Variants in RNF220 observed in about 807,000 individuals in gnomAD.
RNF220 encodes E3 ubiquitin-protein ligase RNF220.
In RNF220, 7 loss-of-function variants were observed where a neutral mutation model predicts 67.1. The observed-to-expected ratio is 0.10, with a 90% CI of 0.06 to 0.20. The LOEUF (loss-of-function observed/expected upper bound fraction) is 0.20, where lower values mean the gene tolerates loss of function less well. RNF220 is among the 10% of genes least tolerant of loss of function. RNF220 has a pLI of 1.00. For missense variants in RNF220, 565 were observed against 740.3 expected (o/e 0.76, Z 2.75); for synonymous variants, 270 against 283.2 (o/e 0.95, Z 0.47).
At chr1:44,463,131 GT>G (rs765860363) in intron 2 of RNF220, among the ~76,000 whole-genome samples, 5 of 152,128 alleles carry the variant, frequency 3.3e-5, no homozygotes, top group African/African-American at 4.8e-5. Context: ...GAGGTCGGGA[GT>G]TTGAGACCAG....
At chr1:44,581,460 C>G (rs918206575) in intron 2 of RNF220, among the ~76,000 whole-genome samples, 3 of 152,230 alleles carry the variant, frequency 2.0e-5, no homozygotes, top group Non-Finnish European at 4.4e-5. Flanking sequence ...TGGCCAAGCT[C>G]TTTCCCACAC....
At chr1:44,602,766 TC>T (rs1446635925) in intron 2 of RNF220, among the ~76,000 whole-genome samples, 1 of 150,890 alleles carries the variant, frequency 6.6e-6, no homozygotes, top group African/African-American at 2.4e-5. Context: ...CCCCACCCCA[TC>T]CGGCCTGAGT....
At chr1:44,528,026 C>T (rs1401380510) in intron 2 of RNF220, among the ~76,000 whole-genome samples, 1 of 149,330 alleles carries the variant, frequency 6.7e-6, no homozygotes, top group African/African-American at 2.5e-5. Context: ...ATGAAGTCAC[C>T]AAAAATTCTA....
At chr1:44,619,548 A>T (rs1643706350) in intron 3 of RNF220, among the ~76,000 whole-genome samples, 1 of 152,232 alleles carries the variant, frequency 6.6e-6, no homozygotes, top group African/African-American at 2.4e-5. Context: ...TCCAAGGATA[A>T]TTCAGTGTAA....
At chr1:44,527,342 C>T (rs1307294651) in intron 2 of RNF220, among the ~76,000 whole-genome samples, 1 of 152,012 alleles carries the variant, frequency 6.6e-6, no homozygotes, top group Non-Finnish European at 1.5e-5. Flanking sequence ...TCCCCGTTAT[C>T]TGTCCTCTTT....
intron 2 of RNF220, among the ~76,000 whole-genome samples, chr1:44,435,396 T>C (rs945500459): frequency 3.3e-5 from 5 of 152,208 alleles, no homozygotes; most frequent in Non-Finnish European, 5.9e-5. Context: ...AATGTATTTA[T>C]AACATGGTGC....
chr1:44,427,467 A>G (rs1358639786), intron 2 of RNF220, among the ~76,000 whole-genome samples: 1 of 152,116 alleles, frequency 6.6e-6, no homozygotes, highest in East Asian at 1.9e-4. Flanking sequence ...CCCTCCCTGC[A>G]CTGTGAGTTC....
At chr1:44,464,117 T>C (rs527590926) in intron 2 of RNF220, among the ~76,000 whole-genome samples, 15 of 152,272 alleles carry the variant, frequency 9.9e-5, no homozygotes, top group Non-Finnish European at 2.2e-4. Flanking sequence ...ACTTTTAGAG[T>C]CCTATGTCAG....
rs527769752 is a variant in RNF220, at chr1:44,444,551, T to G, written c.625+31829T>G. Reference sequence around the variant, plus strand: ...CATCTCCCAGGCTCAAGCGATCCTTTGTCCTCAGCCTCCTGAGTAGCTGGG... The same window carrying G: ...CATCTCCCAGGCTCAAGCGATCCTTGGTCCTCAGCCTCCTGAGTAGCTGGG... On this transcript the variant is annotated intron_variant, in intron 2 of 14. Coordinates refer to ENST00000361799, the MANE Select transcript of RNF220 (RefSeq NM_018150.4). Among the ~76,000 whole-genome samples, 199 of 151,948 alleles carry G rather than the reference T, an allele frequency of 1.3e-3. 1 individual carries two copies. Among genetic ancestry groups the G allele is most frequent in the African/African-American group, 4.5e-3 (186 of 41,414 alleles).
intron 2 of RNF220, among the ~76,000 whole-genome samples, chr1:44,423,331 G>A (rs939279955): frequency 2.0e-5 from 3 of 152,208 alleles, no homozygotes; most frequent in African/African-American, 7.2e-5. Flanking sequence ...ACAGTGAAGT[G>A]AGAATAGAAT....
intron 2 of RNF220, among the ~76,000 whole-genome samples, chr1:44,442,638 C>CTACT (rs772979054): frequency 2.6e-5 from 4 of 151,818 alleles, no homozygotes; most frequent in Non-Finnish European, 5.9e-5. Flanking sequence ...GCTCAGCCTC[C>CTACT]TGAGTAGCTG....
intron 2 of RNF220, among the ~76,000 whole-genome samples, chr1:44,574,835 TTTGTTG>T (rs71036685): frequency 9.9e-5 from 15 of 151,722 alleles, no homozygotes; most frequent in African/African-American, 1.5e-4. Context: ...TTGCTGTGGT[TTTGTTG>T]TTGTTGTTGT....
chr1:44,408,415 T>C (rs901557371), intron 1 of RNF220, among the ~76,000 whole-genome samples: 4 of 152,168 alleles, frequency 2.6e-5, no homozygotes, highest in African/African-American at 7.2e-5. Context: ...CTCTCGCATA[T>C]GGTGGTAAAA....
At chr1:44,583,215 GAT>G (rs35343175) in intron 2 of RNF220, among the ~76,000 whole-genome samples, 31 of 148,772 alleles carry the variant, frequency 2.1e-4, no homozygotes, top group Non-Finnish European at 2.2e-4. Context: ...TCCAGAAGCA[GAT>G]ATATATATAT....
chr1:44,484,113 G>A (rs1289511240), intron 2 of RNF220, among the ~76,000 whole-genome samples: 1 of 152,134 alleles, frequency 6.6e-6, no homozygotes, highest in Admixed American at 6.5e-5. Context: ...CATTTTCAGG[G>A]TTTATTAGGG....
rs948341134 is a variant in RNF220 at position 44,417,994 on chromosome 1, C to T, written c.625+5272C>T. ...CGGCCGCACACACGAGGGCCCGTCG[C>T]GCCCCCCGCCCTGCCCCGCCTCGCC... On this transcript the variant is annotated intron_variant, in intron 2 of 14. Coordinates refer to ENST00000361799, the MANE Select transcript of RNF220 (RefSeq NM_018150.4). This position sits in a 1 kb window ranked among gnomAD's most constrained non-coding sequence, Gnocchi z 4.0. 9.9e-5 allele frequency among the ~76,000 whole-genome samples: 15 copies of T among 152,082 alleles called. No individual in the cohort carries two copies. The highest frequency in any genetic ancestry group is 2.7e-4 in the African/African-American group (11 of 41,432).
At chr1:44,418,881 T>C (rs1215157089) in intron 2 of RNF220, among the ~76,000 whole-genome samples, 1 of 152,232 alleles carries the variant, frequency 6.6e-6, no homozygotes, top group African/African-American at 2.4e-5. Flanking sequence ...AATGGAGTTA[T>C]ATTTTTATAA....
intron 2 of RNF220, among the ~76,000 whole-genome samples, chr1:44,446,446 G>A (rs768365107): frequency 3.9e-5 from 6 of 152,156 alleles, no homozygotes; most frequent in African/African-American, 4.8e-5. Flanking sequence ...GATTTGCTTA[G>A]CACCTATGTC....
At chr1:44,443,132 C>T (rs975348871) in intron 2 of RNF220, among the ~76,000 whole-genome samples, 2 of 152,166 alleles carry the variant, frequency 1.3e-5, no homozygotes, top group Non-Finnish European at 1.5e-5. Context: ...TATCTGGCTG[C>T]CTTCTAGACT....
Sources: allele counts gnomAD v4.1 joint callset (sites outside exome capture counted in the v4.1 genomes callset), GRCh38; gene constraint gnomAD v4.1.1; non-coding constraint Gnocchi (gnomAD v3.1); transcripts MANE v1.5; gene names NCBI Gene and HGNC (gene_info 2026-07-23, HGNC 2026-07-21).